The following DDX17 variants were observed in gnomAD, a reference collection of about 807,000 sequenced individuals.
DDX17 encodes probable ATP-dependent RNA helicase DDX17.
In DDX17, 10 loss-of-function variants were observed where a neutral mutation model predicts 80.8. The ratio of observed to expected loss-of-function variants is 0.12; its 90% CI spans 0.08 to 0.21. The LOEUF (loss-of-function observed/expected upper bound fraction) is 0.21, where lower values mean the gene tolerates loss of function less well. DDX17 is among the 10% of genes least tolerant of loss of function. The pLI, the probability that DDX17 is intolerant of heterozygous loss-of-function variation, is 1.00. For missense variants in DDX17, 586 were observed against 957.4 expected (o/e 0.61, Z 5.12); for synonymous variants, 339 against 336.2 (o/e 1.01, Z -0.09).
chr22:38,501,705 G>A (rs746902778), intron 1 of DDX17, among the ~76,000 whole-genome samples: 2 of 152,208 alleles, frequency 1.3e-5, no homozygotes, highest in Non-Finnish European at 2.9e-5. Flanking sequence ...ACCTAATAAT[G>A]TGTAATGTAC....
Position 38,486,368 on chromosome 22 carries a change from C to G in DDX17, c.1757G>C (p.Arg586Pro). The G allele has an allele frequency of 6.2e-7, 1 of 1,614,152 alleles. No homozygotes were observed. Among genetic ancestry groups the G allele is most frequent in the Non-Finnish European group, 8.5e-7 (1 of 1,180,024 alleles). ...ACCATCCTTGACTCCTCGAAGCCTT[C>G]GGTCACACTCATCCTGATACATCAG... The change falls in exon 13 of 13, where the codon CGA (arginine) becomes CCA (proline). Residue 586 changes from arginine to proline, a missense_variant. By Grantham distance (103) the Arg-to-Pro change is moderately radical. Transcript: ENST00000403230.
chr22:38,506,171 T>C lies in DDX17; in HGVS notation c.67A>G (p.Thr23Ala). Residue 23 changes from threonine to alanine, a missense_variant, in exon 1 of 13, where the codon ACG (threonine) becomes GCG (alanine). By Grantham distance (58) the Thr-to-Ala change is moderately conservative. Around this residue, in one of 4 missense-constraint regions of DDX17, gnomAD observed 215 missense variants for 238.4 expected, o/e 0.90. Transcript: ENST00000403230. ...CTGTCTCCCGTCGCAGACGCCACCG[T>C]CGCCGCCTCTCTCGTCGGAGACGGG... is the stretch of plus-strand genomic sequence containing the variant. 3.1e-6 allele frequency: 5 copies of C among 1,594,192 alleles called. No homozygotes were observed. The highest frequency in any genetic ancestry group is 4.3e-6 in the Non-Finnish European group (5 of 1,171,840).
chr22:38,490,176 G>GTT (rs1298132528), intron 11 of DDX17: 36 of 1,187,168 alleles, frequency 3.0e-5, no homozygotes, highest in Non-Finnish European at 3.7e-5. Context: ...CTACCCTGAT[G>GTT]TTATCTGTGC....
Position 38,492,149 on chromosome 22 carries a change from G to A in DDX17, c.1388-34C>T, listed in dbSNP as rs201769181. On this transcript the variant is annotated intron_variant, in intron 10 of 12. Coordinates refer to ENST00000403230, the MANE Select transcript of DDX17 (RefSeq NM_006386.5). ...ACAAACAATAATCATCATCAAATAAGCATTCCTTGCTATCTGATCTGTTTA... is the reference window on the plus strand; with the variant it reads ...ACAAACAATAATCATCATCAAATAAACATTCCTTGCTATCTGATCTGTTTA... The A allele has an allele frequency of 8.1e-4, 1,260 of 1,559,266 alleles. 25 individuals carry two copies. In the South Asian group the frequency reaches 0.013, roughly 17 times the overall value.
Position 38,498,582 on chromosome 22 carries a change from GA to G in DDX17, c.539-10del. ...CACATCCATTACATATTCTGTAAGA[GA>G]ATTTTATTTTGCGTATTTTATTGTG... On this transcript the variant is annotated splice_polypyrimidine_tract_variant and intron_variant, in intron 3 of 12. Transcript: ENST00000403230. 1 of 1,612,972 alleles carries G rather than the reference GA, an allele frequency of 6.2e-7. No homozygotes were observed. The highest frequency in any genetic ancestry group is 2.2e-5 in the East Asian group (1 of 44,864).
At chr22:38,487,272 A>C (rs1435194362) in intron 12 of DDX17, among the ~76,000 whole-genome samples, 2 of 152,080 alleles carry the variant, frequency 1.3e-5, no homozygotes, top group African/African-American at 4.8e-5. Flanking sequence ...AGACAGGTGG[A>C]TCACCAGAGG....
chr22:38,491,320 TAATACA>T (rs1350053682), intron 11 of DDX17: 2 of 152,226 alleles, frequency 1.3e-5, no homozygotes, highest in Non-Finnish European at 2.9e-5. Context: ...GATTTCCTTG[TAATACA>T]AATAATCTTT....
intron 12 of DDX17, 23 bp from the exon 13 acceptor site, chr22:38,486,463 T>G (rs764893695): frequency 2.6e-6 from 4 of 1,567,312 alleles, no homozygotes; most frequent in Non-Finnish European, 3.5e-6. Flanking sequence ...TACAAGAAGA[T>G]TTTTAATGGC....
intron 2 of DDX17, 102 bp downstream of exon 2, chr22:38,501,028 A>C: frequency 7.8e-6 from 11 of 1,418,284 alleles, no homozygotes; most frequent in Non-Finnish European, 1.0e-5. Flanking sequence ...TCACCACACT[A>C]GAATAAAATG....
At chr22:38,487,476 G>C (rs1176407411) in intron 12 of DDX17, among the ~76,000 whole-genome samples, 1 of 152,116 alleles carries the variant, frequency 6.6e-6, no homozygotes, top group South Asian at 2.1e-4. Flanking sequence ...AAAATTAGCA[G>C]GGTGTGCTGG....
intron 10 of DDX17, among the ~76,000 whole-genome samples, chr22:38,493,159 T>C (rs985525599): frequency 4.6e-5 from 7 of 152,172 alleles, no homozygotes; most frequent in East Asian, 1.9e-4. Context: ...ACGCCTATTT[T>C]TGCAAATAAA....
At chr22:38,500,870 C>T (rs2089822185) in intron 2 of DDX17, among the ~76,000 whole-genome samples, 1 of 142,942 alleles carries the variant, frequency 7.0e-6, no homozygotes, top group Non-Finnish European at 1.5e-5. Flanking sequence ...GTGGCTCACG[C>T]CTGTAATCCT....
intron 6 of DDX17, 57 bp from the exon 7 acceptor site, chr22:38,495,103 T>C: frequency 1.3e-6 from 2 of 1,552,232 alleles, no homozygotes; most frequent in Non-Finnish European, 1.7e-6. Context: ...CTCACAGCTG[T>C]GTTCTAGCAC....
intron 11 of DDX17, chr22:38,491,201 T>C (rs573814450): frequency 2.6e-5 from 4 of 152,348 alleles, no homozygotes; most frequent in African/African-American, 9.6e-5. Flanking sequence ...GCTTCATTAC[T>C]TTTGTATTCC....
intron 5 of DDX17, among the ~76,000 whole-genome samples, chr22:38,496,869 T>G (rs1455547303): frequency 6.6e-6 from 1 of 152,224 alleles, no homozygotes; most frequent in Non-Finnish European, 1.5e-5. Flanking sequence ...TACTGATCCA[T>G]TAGATATCAA....
At chr22:38,504,932 C>T (rs1161036892) in intron 1 of DDX17, among the ~76,000 whole-genome samples, 5 of 152,100 alleles carry the variant, frequency 3.3e-5, no homozygotes, top group Non-Finnish European at 7.4e-5. Flanking sequence ...TCGGGGGAGA[C>T]GGAGTTTCGC....
chr22:38,494,582 GA>G (rs1569139560), intron 8 of DDX17, 47 bp downstream of exon 8: 1 of 1,579,332 alleles, frequency 6.3e-7, no homozygotes, highest in Non-Finnish European at 8.7e-7. Flanking sequence ...AGGGTTATTA[GA>G]AAAGGTTTAT....
chr22:38,495,198 T>TGCA (rs1372114805), intron 6 of DDX17, 152 bp from the exon 7 acceptor site: 6 of 687,824 alleles, frequency 8.7e-6, no homozygotes, highest in African/African-American at 3.7e-5. Flanking sequence ...TCTACAAAAA[T>TGCA]GCAGCAGCAG....
At chr22:38,491,763 T>G (rs983042759) in intron 11 of DDX17, 5 of 303,322 alleles carry the variant, frequency 1.6e-5, no homozygotes, top group African/African-American at 4.3e-5. Context: ...GCTGTCTGTC[T>G]CCTCTCCCTC....
Sources: gnomAD v4.1 joint callset for allele counts (sites outside exome capture counted in the v4.1 genomes callset) on GRCh38, gnomAD v4.1.1 for gene constraint, gnomAD v4.1.1 regional missense constraint, MANE v1.5 for transcripts, NCBI Gene and HGNC (gene_info 2026-07-23, HGNC 2026-07-21) for gene names.